The following AGBL2 variants were observed in gnomAD, a reference collection of about 807,000 sequenced individuals.
AGBL2 encodes cytosolic carboxypeptidase 2.
In AGBL2, 87 loss-of-function variants were observed where a neutral mutation model predicts 103.0. That is an observed-to-expected ratio of 0.84 (90% confidence interval 0.71 to 1.01). AGBL2 has a LOEUF of 1.01. AGBL2 is among the 50% of genes least tolerant of loss of function. The pLI is 0.00. For synonymous variants in AGBL2, 335 were observed against 356.7 expected (o/e 0.94, Z 0.69); for missense variants, 904 against 1,023.5 (o/e 0.88, Z 1.59).
At chr11:47,688,942 G>A (rs2153804152) in intron 10 of AGBL2, among the ~76,000 whole-genome samples, 1 of 152,016 alleles carries the variant, frequency 6.6e-6, no homozygotes, top group Middle Eastern at 3.4e-3. Flanking sequence ...CACCATGTTG[G>A]CCAGGCTGGT....
At chr11:47,673,611 G>A (rs1216840552) in intron 14 of AGBL2, among the ~76,000 whole-genome samples, 3 of 150,718 alleles carry the variant, frequency 2.0e-5, no homozygotes, top group Non-Finnish European at 4.4e-5. Flanking sequence ...GGCAACAAGA[G>A]CGAAATTCTG....
At chr11:47,685,852 G>A (rs1352993049) in intron 11 of AGBL2, 41 bp downstream of exon 11, 1 of 1,579,868 alleles carries the variant, frequency 6.3e-7, no homozygotes, top group African/African-American at 1.4e-5. Flanking sequence ...GAGTTCCCAT[G>A]TCCCTAACTC....
chr11:47,693,378 C>A (rs1223452631), intron 8 of AGBL2, among the ~76,000 whole-genome samples: 1 of 152,072 alleles, frequency 6.6e-6, no homozygotes, highest in Admixed American at 6.6e-5. Context: ...GGCCACTGAT[C>A]CATTTTGGGT....
At chr11:47,667,429 T>A in intron 16 of AGBL2, 142 bp downstream of exon 16, 3 of 1,088,758 alleles carry the variant, frequency 2.8e-6, no homozygotes, top group Non-Finnish European at 3.9e-6. Flanking sequence ...CTGGAAGGGT[T>A]CTGATCGCAA....
intron 17 of AGBL2, among the ~76,000 whole-genome samples, chr11:47,665,528 C>G (rs190236595): frequency 1.3e-5 from 2 of 152,018 alleles, no homozygotes; most frequent in African/African-American, 4.8e-5. Flanking sequence ...ATGATCATGG[C>G]TCACTGCAGC....
At chr11:47,711,411 CACTT>C (rs908946553) in intron 3 of AGBL2, among the ~76,000 whole-genome samples, 1 of 152,340 alleles carries the variant, frequency 6.6e-6, no homozygotes, top group Non-Finnish European at 1.5e-5. Context: ...CTCCTCCCCT[CACTT>C]GCTTGCCACC....
At chr11:47,695,008 G>A (rs534442393) in intron 8 of AGBL2, among the ~76,000 whole-genome samples, 1 of 152,142 alleles carries the variant, frequency 6.6e-6, no homozygotes, top group East Asian at 1.9e-4. Context: ...AAATTAGCCA[G>A]GTGTGATGGC....
In AGBL2 at chr11:47,711,311, G is replaced by A. The variant is rs548634809; in HGVS notation, c.98-800C>T. ...CGAAGAGGAGACTAAAAATTGTCAC[G>A]ACACCCAGATAGACTTTTCATCAAT... is the stretch of plus-strand genomic sequence containing the variant. On this transcript the variant is annotated intron_variant, in intron 3 of 18. Coordinates refer to ENST00000525123, the MANE Select transcript of AGBL2 (RefSeq NM_024783.4). 1.7e-4 allele frequency among the ~76,000 whole-genome samples: 26 copies of A among 151,970 alleles called. No individual in the cohort carries two copies. The South Asian group carries it at 3.3e-3, about 20-fold the overall frequency.
chr11:47,674,616 G>GAGGCTTAT (rs1366877069), intron 14 of AGBL2, among the ~76,000 whole-genome samples: 38 of 152,088 alleles, frequency 2.5e-4, no homozygotes, highest in Non-Finnish European at 5.0e-4. Context: ...GAGGTATCAG[G>GAGGCTTAT]AGGCTTATAG....
At chr11:47,667,246 C>T (rs1041401677) in intron 16 of AGBL2, among the ~76,000 whole-genome samples, 183 bp from the exon 17 acceptor site, 1 of 152,176 alleles carries the variant, frequency 6.6e-6, no homozygotes, top group African/African-American at 2.4e-5. Context: ...CTGGACCAGG[C>T]CTGGCCCCCA....
chr11:47,709,697 C>T (rs1019165506), intron 4 of AGBL2, among the ~76,000 whole-genome samples: 3 of 151,934 alleles, frequency 2.0e-5, no homozygotes, highest in African/African-American at 7.3e-5. Flanking sequence ...ACACAATCCT[C>T]CTGCCTCAGC....
chr11:47,710,925 G>GA (rs750650579), intron 3 of AGBL2: 47 of 346,844 alleles, frequency 1.4e-4, no homozygotes, highest in Admixed American at 2.3e-4. Context: ...AAAAAAAAAA[G>GA]AAAAAAAAAA....
At chr11:47,688,500 C>T (rs1342507736) in intron 10 of AGBL2, among the ~76,000 whole-genome samples, 1 of 152,138 alleles carries the variant, frequency 6.6e-6, no homozygotes, top group South Asian at 2.1e-4. Context: ...TCACCCAGGA[C>T]ACCTATTCCA....
intron 13 of AGBL2, among the ~76,000 whole-genome samples, chr11:47,678,343 A>ATTATTTTTTTTTTTTTTTATTTTTTTT (rs2097385523): frequency 8.6e-6 from 1 of 116,762 alleles, no homozygotes; most frequent in Non-Finnish European, 1.9e-5. Flanking sequence ...TTATTATTTT[A>ATTATTTTTTTTTTTTTTTATTTTTTTT]TTTTTTTTGA....
At chr11:47,678,600 C>T (rs577526147) in intron 13 of AGBL2, among the ~76,000 whole-genome samples, 1 of 151,438 alleles carries the variant, frequency 6.6e-6, no homozygotes, top group Admixed American at 6.6e-5. Context: ...TCCCAAAGTG[C>T]TGGGATTAGA....
intron 4 of AGBL2, among the ~76,000 whole-genome samples, chr11:47,707,896 TC>T (rs1184097012): frequency 2.6e-5 from 4 of 152,106 alleles, no homozygotes; most frequent in African/African-American, 9.7e-5. Context: ...TGTCTTTTAC[TC>T]ATTTTTCTAT....
At chr11:47,678,340 T>A (rs7948991) in intron 13 of AGBL2, among the ~76,000 whole-genome samples, 2 of 105,598 alleles carry the variant, frequency 1.9e-5, no homozygotes, top group Non-Finnish European at 4.3e-5. Flanking sequence ...ATTTTATTAT[T>A]TTATTTTTTT....
chr11:47,667,830 TAAAC>T (rs2097345484), intron 15 of AGBL2, 134 bp from the exon 16 acceptor site: 24 of 986,154 alleles, frequency 2.4e-5, no homozygotes, highest in Middle Eastern at 2.2e-4. Context: ...GTTTGGAGAA[TAAAC>T]AAACAGTTCA....
intron 8 of AGBL2, among the ~76,000 whole-genome samples, chr11:47,695,906 T>C (rs1011890645): frequency 9.4e-5 from 14 of 149,370 alleles, no homozygotes; most frequent in Non-Finnish European, 2.1e-4. Flanking sequence ...GGGTCACGCC[T>C]GTAATCTCAG....
Sources: allele counts gnomAD v4.1 joint callset (sites outside exome capture counted in the v4.1 genomes callset), GRCh38; gene constraint gnomAD v4.1.1; transcripts MANE v1.5; gene names NCBI Gene and HGNC (gene_info 2026-07-23, HGNC 2026-07-21).